CAMTA1: variants seen among roughly 807,000 people sequenced by gnomAD.
CAMTA1 encodes the protein calmodulin-binding transcription activator 1.
Under a neutral mutation model 170.9 loss-of-function variants are expected in CAMTA1, and 27 were observed. The observed-to-expected ratio is 0.16, with a 90% confidence interval of 0.12 to 0.22. The LOEUF (loss-of-function observed/expected upper bound fraction) is 0.22. Ranked by LOEUF, CAMTA1 falls within the 10% of genes least tolerant of loss-of-function variation. The probability of loss-of-function intolerance (pLI) is 1.00; values close to 1 mark genes in which losing one functional copy is unlikely to be tolerated. For missense variants in CAMTA1, 1,619 were observed against 2,217.2 expected, an observed-to-expected ratio of 0.73 and a Z score of 5.42; for synonymous variants, 833 against 891.5, an observed-to-expected ratio of 0.93 and a Z score of 1.17.
intron 5 of CAMTA1, among the ~76,000 whole-genome samples, chr1:7,301,710 C>A (rs78403641): frequency 6.6e-6 from 1 of 152,190 alleles, no homozygotes; most frequent in African/African-American, 2.4e-5. Flanking sequence ...GTGCTGGGGG[C>A]GCCCAGGTCC....
At chr1:7,098,606 T>C (rs1642369819) in intron 4 of CAMTA1, among the ~76,000 whole-genome samples, 2 of 152,200 alleles carry the variant, frequency 1.3e-5, no homozygotes, top group Non-Finnish European at 2.9e-5. Flanking sequence ...CCCCAGTCTC[T>C]GCATGGAAAT....
chr1:7,212,339 T>C lies in CAMTA1; in HGVS notation c.303-37152T>C, dbSNP rs141326206. Among the ~76,000 whole-genome samples, 314 of 152,266 alleles carry C rather than the reference T, an allele frequency of 2.1e-3. 1 individual carries two copies. Among genetic ancestry groups the C allele is most frequent in the African/African-American group, 7.3e-3 (302 of 41,550 alleles). ...TAAAAATCAAAACTATGCAAAAAAG[T>C]TAGATCCAGAGACGTGTCACTGCCC... On this transcript the variant is annotated intron_variant, in intron 4 of 22. Transcript: ENST00000303635.
At chr1:7,460,127 C>T (rs928136772) in intron 5 of CAMTA1, among the ~76,000 whole-genome samples, 7 of 152,274 alleles carry the variant, frequency 4.6e-5, no homozygotes, top group Non-Finnish European at 8.8e-5. Context: ...GTCATGCACT[C>T]GGCCCCTGCA....
chr1:7,614,551 G>C (rs778953264), intron 6 of CAMTA1, among the ~76,000 whole-genome samples: 6 of 152,138 alleles, frequency 3.9e-5, no homozygotes, highest in Non-Finnish European at 8.8e-5. Flanking sequence ...CCCCATTGGC[G>C]CTGACACGCT....
In CAMTA1 at chr1:7,049,447, G is replaced by A. The variant is rs896407556; in HGVS notation, c.235-41857G>A. Among the ~76,000 whole-genome samples the A allele has an allele frequency of 1.1e-4, 16 of 152,094 alleles. No individual in the cohort carries two copies. In the East Asian group the frequency reaches 2.9e-3, roughly 28 times the overall value. ...CATTTTGTGTCTCTTGATTGTTGGG[G>A]TTTTTTGTTTGTTTGTTTTTTTGTT... is the stretch of plus-strand genomic sequence containing the variant. On this transcript the variant is annotated intron_variant, in intron 3 of 22. Transcript: ENST00000303635.
chr1:7,204,830 C>A (rs796383660), intron 4 of CAMTA1, among the ~76,000 whole-genome samples: 1 of 86,828 alleles, frequency 1.2e-5, no homozygotes, highest in Non-Finnish European at 2.2e-5. Context: ...TTCTTTTTTT[C>A]TTTTTTTTTT....
At chr1:7,211,360 G>A (rs1035393324) in intron 4 of CAMTA1, among the ~76,000 whole-genome samples, 2 of 152,220 alleles carry the variant, frequency 1.3e-5, no homozygotes, top group Non-Finnish European at 2.9e-5. Flanking sequence ...GAGCATTGCA[G>A]CCAGTTCAGA....
intron 3 of CAMTA1, among the ~76,000 whole-genome samples, chr1:6,975,020 A>G (rs1693163778): frequency 6.6e-6 from 1 of 152,208 alleles, no homozygotes; most frequent in African/African-American, 2.4e-5. Context: ...TGCCAACTTA[A>G]ATTATCAATA....
intron 11 of CAMTA1, among the ~76,000 whole-genome samples, chr1:7,730,666 C>T (rs1231668922): frequency 1.3e-5 from 2 of 152,032 alleles, no homozygotes; most frequent in East Asian, 3.9e-4. Context: ...GAGGCTGAGG[C>T]GGGCAGATCA....
intron 4 of CAMTA1, among the ~76,000 whole-genome samples, chr1:7,193,872 C>T (rs1032320841): frequency 6.6e-6 from 1 of 152,186 alleles, no homozygotes; most frequent in African/African-American, 2.4e-5. Flanking sequence ...GAAGGGGAGG[C>T]TAGCCATCAG....
rs1653979881 is a variant in CAMTA1, at chr1:7,188,863, T to C, written c.303-60628T>C. Reference sequence around the variant, plus strand: ...GCTGGACCATGTGGCAACTCTGTGCTTAATTTTTTGTGGAACCATTATACC... The same window carrying C: ...GCTGGACCATGTGGCAACTCTGTGCCTAATTTTTTGTGGAACCATTATACC... On this transcript the variant is annotated intron_variant, in intron 4 of 22. Coordinates refer to ENST00000303635, the MANE Select transcript of CAMTA1 (RefSeq NM_015215.4). Among the ~76,000 whole-genome samples, 2 of 152,342 alleles carry C rather than the reference T, an allele frequency of 1.3e-5. 1 individual carries two copies. Among genetic ancestry groups the C allele is most frequent in the South Asian group, 4.1e-4 (2 of 4,822 alleles).
chr1:6,837,606 G>A (rs78007123), intron 3 of CAMTA1, among the ~76,000 whole-genome samples: 1 of 152,290 alleles, frequency 6.6e-6, no homozygotes, highest in East Asian at 1.9e-4. Flanking sequence ...GTCATTTCCC[G>A]TTTTTCCTGA....
chr1:7,236,453 G>A (rs1194606855), intron 4 of CAMTA1, among the ~76,000 whole-genome samples: 1 of 152,218 alleles, frequency 6.6e-6, no homozygotes, highest in Admixed American at 6.5e-5. Flanking sequence ...ACTATGAGTT[G>A]TTGTGACTGT....
At chr1:6,831,436 C>T (rs906906715) in intron 3 of CAMTA1, among the ~76,000 whole-genome samples, 3 of 152,194 alleles carry the variant, frequency 2.0e-5, no homozygotes, top group Non-Finnish European at 4.4e-5. Flanking sequence ...ATGACTATTT[C>T]ATAATTACGT....
At chr1:7,244,079 G>A (rs189359146) in intron 4 of CAMTA1, among the ~76,000 whole-genome samples, 3,190 of 152,198 alleles carry the variant, frequency 0.021, 53 homozygotes, top group Non-Finnish European at 0.035. Context: ...AAGTGGGCGA[G>A]GGATATGAAC....
At chr1:6,968,690 G>A (rs547877124) in intron 3 of CAMTA1, among the ~76,000 whole-genome samples, 7 of 152,066 alleles carry the variant, frequency 4.6e-5, no homozygotes, top group East Asian at 1.9e-4. Context: ...AAATTCTACC[G>A]GAAATTCTAC....
At chr1:7,383,140 A>T (rs1160463033) in intron 5 of CAMTA1, among the ~76,000 whole-genome samples, 1 of 152,192 alleles carries the variant, frequency 6.6e-6, no homozygotes, top group Non-Finnish European at 1.5e-5. Context: ...TTGTACACTG[A>T]GACCACATGG....
chr1:7,574,103 T>G (rs868252918), intron 6 of CAMTA1, among the ~76,000 whole-genome samples: 1 of 118,794 alleles, frequency 8.4e-6, no homozygotes, highest in South Asian at 2.3e-4. Flanking sequence ...TCAATTTACC[T>G]GAGCCAGGAG....
chr1:7,702,705 T>C (rs958890430), intron 11 of CAMTA1, among the ~76,000 whole-genome samples: 4 of 152,196 alleles, frequency 2.6e-5, no homozygotes, highest in Non-Finnish European at 4.4e-5. Context: ...TATTAATGTA[T>C]GATGGACATA....
Sources: gnomAD v4.1 joint callset for allele counts (sites outside exome capture counted in the v4.1 genomes callset) on GRCh38, gnomAD v4.1.1 for gene constraint, MANE v1.5 for transcripts, NCBI Gene and HGNC (gene_info 2026-07-23, HGNC 2026-07-21) for gene names.